ARFGEF1: variants seen among roughly 807,000 people sequenced by gnomAD.
ARFGEF1 encodes brefeldin A-inhibited guanine nucleotide-exchange protein 1.
In ARFGEF1, 42 loss-of-function variants were observed where a neutral mutation model predicts 231.0. The ratio of observed to expected loss-of-function variants is 0.18; its 90% CI spans 0.14 to 0.24. The LOEUF is 0.24. ARFGEF1 is among the 10% of genes least tolerant of loss of function. The pLI is 1.00. For missense variants in ARFGEF1, 1,345 were observed against 2,192.0 expected (o/e 0.61, Z 7.72); for synonymous variants, 710 against 732.3 (o/e 0.97, Z 0.49).
intron 30 of ARFGEF1, among the ~76,000 whole-genome samples, chr8:67,218,861 T>C (rs765772175): frequency 6.6e-6 from 1 of 152,258 alleles, no homozygotes; most frequent in Non-Finnish European, 1.5e-5. Context: ...ACTGATGTTT[T>C]ATAGTTGTAA....
intron 15 of ARFGEF1, among the ~76,000 whole-genome samples, chr8:67,259,233 C>T (rs1587151677): frequency 6.6e-6 from 1 of 152,230 alleles, no homozygotes. Context: ...AGACATCTTT[C>T]TGTTTGTTTT....
intron 4 of ARFGEF1, among the ~76,000 whole-genome samples, chr8:67,297,091 TA>T (rs1215116829): frequency 6.6e-6 from 1 of 152,226 alleles, no homozygotes; most frequent in Non-Finnish European, 1.5e-5. Context: ...CATCAACTGT[TA>T]AAATATTTGA....
chr8:67,197,044 G>A (rs1321772495), downstream of ARFGEF1, among the ~76,000 whole-genome samples: 1 of 152,058 alleles, frequency 6.6e-6, no homozygotes, highest in African/African-American at 2.4e-5. Flanking sequence ...AACTTCAACT[G>A]ACTCCTCGAA....
chr8:67,256,626 A>T (rs981720382), intron 17 of ARFGEF1, among the ~76,000 whole-genome samples: 23 of 152,334 alleles, frequency 1.5e-4, no homozygotes, highest in Non-Finnish European at 2.9e-4. Context: ...TACCCCTAGA[A>T]GTACTAAGAA....
intron 1 of ARFGEF1, among the ~76,000 whole-genome samples, chr8:67,305,589 A>G (rs1806704025): frequency 6.6e-6 from 1 of 152,046 alleles, no homozygotes; most frequent in African/African-American, 2.4e-5. Flanking sequence ...TTAGGTGATC[A>G]GCCCGCCTCA....
At chr8:67,236,362 AAAAATATATATATAT>A (rs1250740979) in intron 22 of ARFGEF1, among the ~76,000 whole-genome samples, 8 of 41,758 alleles carry the variant, frequency 1.9e-4, no homozygotes, top group African/African-American at 7.2e-4. Context: ...AAAAAAAAAA[AAAAATATATATATAT>A]ATATATATAT....
At chr8:67,257,589 G>T in intron 17 of ARFGEF1, 143 bp downstream of exon 17, 6 of 658,118 alleles carry the variant, frequency 9.1e-6, no homozygotes, top group Non-Finnish European at 1.0e-5. Context: ...TTTGTAAAAT[G>T]TTCACCATCC....
At chr8:67,225,885 T>C (rs1284525682) in intron 28 of ARFGEF1, 138 bp downstream of exon 28, 3 of 850,684 alleles carry the variant, frequency 3.5e-6, no homozygotes, top group Non-Finnish European at 5.2e-6. Context: ...CCATCCTAAC[T>C]TGGAATCAGG....
At chr8:67,267,774 C>G (rs1390022141) in intron 10 of ARFGEF1, among the ~76,000 whole-genome samples, 1 of 151,950 alleles carries the variant, frequency 6.6e-6, no homozygotes. Flanking sequence ...TTTTTTAATC[C>G]CCCTCCAAAA....
intron 3 of ARFGEF1, among the ~76,000 whole-genome samples, chr8:67,299,882 T>C (rs1367340892): frequency 2.0e-5 from 3 of 152,052 alleles, no homozygotes; most frequent in Non-Finnish European, 4.4e-5. Flanking sequence ...GTGAGAGGAC[T>C]GCTTGAGCCT....
chr8:67,288,045 A>T lies in ARFGEF1; in HGVS notation c.937T>A (p.Leu313Ile), dbSNP rs1277623235. 6.2e-7 allele frequency: 1 copy of T among 1,600,120 alleles called. No homozygotes were observed. The highest frequency in any genetic ancestry group is 1.8e-5 in the Admixed American group (1 of 56,662). Residue 313 changes from leucine to isoleucine, a missense_variant, in exon 7 of 39, where the codon TTA becomes ATA. By Grantham distance (5) the Leu-to-Ile change is conservative. Coordinates refer to ENST00000262215, the MANE Select transcript of ARFGEF1 (RefSeq NM_006421.5). ...AAETLSKNEV[L>I]YDGENHDCEE... ...CAATCATGGTTTTCTCCGTCATATA[A>T]CACTTCATTTTTAGATAATGCTTTA...
At chr8:67,219,284 A>G in intron 30 of ARFGEF1, 147 bp downstream of exon 30, 1 of 899,120 alleles carries the variant, frequency 1.1e-6, no homozygotes, top group Non-Finnish European at 1.6e-6. Flanking sequence ...TTATTTATAA[A>G]GACATAGTAT....
At chr8:67,272,076 A>G in intron 9 of ARFGEF1, 140 bp from the exon 10 acceptor site, 1 of 614,200 alleles carries the variant, frequency 1.6e-6, no homozygotes, top group South Asian at 2.2e-5. Context: ...AAATTCTATA[A>G]CATAAAAAAA....
At chr8:67,177,248 T>C (rs574977517) in intron 5 of ARFGEF1, among the ~76,000 whole-genome samples, 2 of 152,240 alleles carry the variant, frequency 1.3e-5, no homozygotes, top group East Asian at 3.9e-4. Context: ...GCTGGTCATA[T>C]TGGAGAGGCT....
At chr8:67,272,006 A>G in intron 9 of ARFGEF1, 70 bp from the exon 10 acceptor site, 1 of 890,772 alleles carries the variant, frequency 1.1e-6, no homozygotes, top group Non-Finnish European at 1.7e-6. Flanking sequence ...GTTGTTCCAA[A>G]AATATTTCCA....
chr8:67,228,380 G>A, intron 23 of ARFGEF1, 116 bp from the exon 24 acceptor site: 5 of 940,262 alleles, frequency 5.3e-6, no homozygotes, highest in South Asian at 5.1e-5. Context: ...CAAAAAATTG[G>A]GTATTCAAAT....
chr8:67,190,688 G>C, intron 5 of ARFGEF1: 1 of 1,614,088 alleles, frequency 6.2e-7, no homozygotes. Context: ...TGAAGATGAC[G>C]TCCTCCCTCC....
intron 5 of ARFGEF1, chr8:67,190,707 A>C (rs776372545): frequency 6.2e-7 from 1 of 1,614,124 alleles, no homozygotes; most frequent in South Asian, 1.1e-5. Context: ...CCACCATCAC[A>C]GTTGCCCTCT....
At position 67,184,744 on chromosome 8, in the gene ARFGEF1, T is replaced by TATAATAATA. The variant is rs377423199; in HGVS notation, c.561-9181_561-9173dup. Among the ~76,000 whole-genome samples, 393 of 142,508 alleles carry TATAATAATA rather than the reference T, an allele frequency of 2.8e-3. 4 individuals are homozygous for TATAATAATA. The highest frequency in any genetic ancestry group is 9.7e-3 in the African/African-American group (370 of 38,076). The allele number at this position is 142,508 out of a possible 152,430, so 93.5% of individuals were successfully genotyped here. On this transcript the variant is annotated intron_variant, in intron 5 of 5. Transcript: ENST00000518789. The stretch of plus-strand genomic sequence containing the variant: ...GTCTAAAAAAATAATAATAAAAAAA[T>TATAATAATA]ATAATAATAATAATAATAATAATAA...
Sources: allele counts gnomAD v4.1 joint callset (sites outside exome capture counted in the v4.1 genomes callset), GRCh38; gene constraint gnomAD v4.1.1; transcripts MANE v1.5; gene names NCBI Gene and HGNC (gene_info 2026-07-23, HGNC 2026-07-21).